Variants in RAB3C observed in about 807,000 individuals in gnomAD.
The protein encoded by RAB3C is ras-related protein Rab-3C.
RAB3C carries 17 observed loss-of-function variants against 26.4 expected under a neutral mutation model. The observed-to-expected ratio is 0.64, with a 90% confidence interval of 0.44 to 0.97. The LOEUF is 0.97. Ranked by LOEUF, RAB3C falls within the 50% of genes least tolerant of loss-of-function variation. The probability of loss-of-function intolerance (pLI) is 0.00; values close to 1 mark genes in which losing one functional copy is unlikely to be tolerated. For missense variants in RAB3C, 242 were observed against 281.9 expected (o/e 0.86, Z 1.01); for synonymous variants, 91 against 95.9 (o/e 0.95, Z 0.30).
chr5:58,605,182 C>G (rs542771580), intron 1 of RAB3C, among the ~76,000 whole-genome samples: 1 of 152,160 alleles, frequency 6.6e-6, no homozygotes, highest in Non-Finnish European at 1.5e-5. Context: ...CTGGGTCCTG[C>G]AGGAGCAGTC....
chr5:58,764,063 A>G lies in RAB3C; in HGVS notation c.371+37943A>G, dbSNP rs1019794564. On this transcript the variant is annotated intron_variant, in intron 3 of 4. Transcript: ENST00000282878. ...AATAGAAGAAAAACATTCAGGTAGC[A>G]TAAAACAAGCCTAATTTGGTATCAT... 5.3e-5 allele frequency among the ~76,000 whole-genome samples: 8 copies of G among 152,338 alleles called. No individual in the cohort carries two copies. In the South Asian group the frequency reaches 1.2e-3, roughly 24 times the overall value.
chr5:58,849,203 T>G (rs879468199), intron 4 of RAB3C, among the ~76,000 whole-genome samples: 1 of 152,166 alleles, frequency 6.6e-6, no homozygotes, highest in Admixed American at 6.5e-5. Context: ...GTACAAGAAG[T>G]GTTAGCAAAA....
At chr5:58,731,451 A>G (rs983846049) in intron 3 of RAB3C, among the ~76,000 whole-genome samples, 3 of 152,174 alleles carry the variant, frequency 2.0e-5, no homozygotes, top group Admixed American at 6.6e-5. Flanking sequence ...AGCAGAAAGT[A>G]ACTCCCAAGA....
intron 3 of RAB3C, among the ~76,000 whole-genome samples, chr5:58,784,547 C>A (rs540414577): frequency 8.6e-5 from 13 of 152,030 alleles, no homozygotes; most frequent in Non-Finnish European, 1.5e-4. Context: ...CCATATCACT[C>A]GGTTTACATG....
intron 4 of RAB3C, among the ~76,000 whole-genome samples, chr5:58,833,332 A>ATT (rs1743662493): frequency 1.3e-5 from 2 of 151,556 alleles, no homozygotes; most frequent in Admixed American, 6.6e-5. Flanking sequence ...CATCACACAC[A>ATT]CACACACACA....
chr5:58,592,151 G>A (rs1192243738), intron 1 of RAB3C, among the ~76,000 whole-genome samples: 2 of 151,918 alleles, frequency 1.3e-5, no homozygotes, highest in Non-Finnish European at 2.9e-5. Flanking sequence ...CACCTGCGTC[G>A]GCCTCCTAAA....
intron 3 of RAB3C, among the ~76,000 whole-genome samples, chr5:58,766,873 G>A (rs1305534846): frequency 6.6e-6 from 1 of 152,230 alleles, no homozygotes; most frequent in Non-Finnish European, 1.5e-5. Context: ...GAGACATCTG[G>A]CAGAAGCTGA....
At chr5:58,768,739 G>A (rs184865465) in intron 3 of RAB3C, among the ~76,000 whole-genome samples, 1 of 151,864 alleles carries the variant, frequency 6.6e-6, no homozygotes, top group East Asian at 2.0e-4. Context: ...CAGCAAAAAG[G>A]CCAGAGTGGC....
intron 3 of RAB3C, among the ~76,000 whole-genome samples, chr5:58,732,557 G>A (rs1324059978): frequency 1.3e-5 from 2 of 152,118 alleles, no homozygotes; most frequent in African/African-American, 2.4e-5. Flanking sequence ...GAAGGCCTCT[G>A]TGAGTGGCTG....
intron 3 of RAB3C, among the ~76,000 whole-genome samples, chr5:58,790,134 A>G (rs183412940): frequency 3.5e-4 from 54 of 152,202 alleles, no homozygotes; most frequent in African/African-American, 1.3e-3. Flanking sequence ...TAGGCATCTC[A>G]AACTCAGCAT....
chr5:58,615,055 A>G (rs1486371452), intron 1 of RAB3C, among the ~76,000 whole-genome samples: 1 of 152,146 alleles, frequency 6.6e-6, no homozygotes. Flanking sequence ...TGTGGTGTCC[A>G]TGGGAGGTAC....
At chr5:58,639,081 C>T (rs913850434) in intron 2 of RAB3C, among the ~76,000 whole-genome samples, 3 of 152,210 alleles carry the variant, frequency 2.0e-5, no homozygotes, top group African/African-American at 7.2e-5. Context: ...GATAGAAGAC[C>T]AGAGCCAGGA....
At chr5:58,582,924 G>C, upstream of RAB3C, 1 of 663,364 alleles carries the variant, frequency 1.5e-6, no homozygotes, top group Non-Finnish European at 2.3e-6. Flanking sequence ...CTGGCGGATC[G>C]AGCCTGTTTA....
chr5:58,631,806 A>C (rs569705253), intron 2 of RAB3C, among the ~76,000 whole-genome samples: 2 of 152,354 alleles, frequency 1.3e-5, no homozygotes, highest in South Asian at 4.1e-4. Context: ...AGAATATTTT[A>C]TCTCTACCAC....
At chr5:58,827,648 T>C (rs1743517236) in intron 4 of RAB3C, among the ~76,000 whole-genome samples, 3 of 152,314 alleles carry the variant, frequency 2.0e-5, no homozygotes, top group African/African-American at 7.2e-5. Context: ...TATGTTCCTG[T>C]TCAAGTTCTT....
intron 4 of RAB3C, among the ~76,000 whole-genome samples, chr5:58,837,187 TC>T (rs1483769420): frequency 4.6e-5 from 7 of 152,200 alleles, no homozygotes; most frequent in African/African-American, 1.7e-4. Flanking sequence ...ATGTCTTTTT[TC>T]TTTTTTTCTT....
chr5:58,776,450 C>T (rs1040890001), intron 3 of RAB3C, among the ~76,000 whole-genome samples: 4 of 152,018 alleles, frequency 2.6e-5, no homozygotes, highest in Admixed American at 6.6e-5. Context: ...ATCTCCATTC[C>T]GAGGTCTTAC....
At chr5:58,771,910 G>C (rs1243880616) in intron 3 of RAB3C, among the ~76,000 whole-genome samples, 1 of 147,700 alleles carries the variant, frequency 6.8e-6, no homozygotes, top group East Asian at 2.0e-4. Context: ...CACCTCTCAA[G>C]GCTAAGCACT....
chr5:58,745,702 G>T (rs1220720733), intron 3 of RAB3C, among the ~76,000 whole-genome samples: 6 of 152,166 alleles, frequency 3.9e-5, no homozygotes, highest in African/African-American at 1.4e-4. Context: ...CTCCTGGCCA[G>T]GATCAATTGC....
Sources: allele counts gnomAD v4.1 joint callset (sites outside exome capture counted in the v4.1 genomes callset), GRCh38; gene constraint gnomAD v4.1.1; transcripts MANE v1.5; gene names NCBI Gene and HGNC (gene_info 2026-07-23, HGNC 2026-07-21).